Variants in ARHGAP35 observed in about 807,000 individuals in gnomAD.
The protein encoded by ARHGAP35 is Rho GTPase activating protein 35.
In ARHGAP35, 15 loss-of-function variants were observed where a neutral mutation model predicts 111.1. The ratio of observed to expected loss-of-function variants is 0.13; its 90% confidence interval spans 0.09 to 0.21. The LOEUF (loss-of-function observed/expected upper bound fraction) is 0.21. ARHGAP35 is among the 10% of genes least tolerant of loss of function. ARHGAP35 has a pLI of 1.00. For missense variants in ARHGAP35, 1,262 were observed against 1,873.0 expected, an observed-to-expected ratio of 0.67 and a Z score of 6.02; for synonymous variants, 643 against 710.3, an observed-to-expected ratio of 0.91 and a Z score of 1.51.
Position 46,919,543 on chromosome 19 carries a change from G to C in ARHGAP35, c.868G>C (p.Glu290Gln). ...LVSRIVKNHN[E>Q]NWLSVSRKMQ... Reference sequence around the variant, plus strand: ...GAGTCGCATTGTGAAAAACCACAATGAGAACTGGCTGAGTGTCAGCCGAAA... The same window carrying C: ...GAGTCGCATTGTGAAAAACCACAATCAGAACTGGCTGAGTGTCAGCCGAAA... The change falls in exon 2 of 7, where the codon GAG becomes CAG. Residue 290 changes from glutamate to glutamine, a missense_variant. Physicochemically the swap from Glu to Gln is conservative, Grantham distance 29. This residue lies in a region of ARHGAP35 where 328 missense variants were observed against 440.8 expected (regional missense o/e 0.74). Coordinates refer to ENST00000672722, the MANE Select transcript of ARHGAP35 (RefSeq NM_004491.5). This position sits in a 1 kb window ranked among gnomAD's most constrained non-coding sequence, Gnocchi z 6.2. The C allele has an allele frequency of 6.2e-7, 1 of 1,613,936 alleles. No homozygotes were observed. The highest frequency in any genetic ancestry group is 1.1e-5 in the South Asian group (1 of 91,078).
At chr19:46,947,698 C>T (rs1008650937) in intron 3 of ARHGAP35, 2 of 152,134 alleles carry the variant, frequency 1.3e-5, no homozygotes, top group African/African-American at 4.8e-5. Context: ...AGTGTCAGAT[C>T]CTGCAGGTTG....
At chr19:46,912,402 T>G (rs563388293) in intron 1 of ARHGAP35, among the ~76,000 whole-genome samples, 1 of 151,918 alleles carries the variant, frequency 6.6e-6, no homozygotes, top group East Asian at 1.9e-4. Flanking sequence ...TCGCCCAGGC[T>G]GGAGTGCAGT....
chr19:46,922,449 G>A lies in ARHGAP35; in HGVS notation c.3681+93G>A. 4 of 1,252,170 alleles carry A rather than the reference G, an allele frequency of 3.2e-6. No homozygotes were observed. The highest frequency in any genetic ancestry group is 3.2e-6 in the Non-Finnish European group (3 of 945,912). 77.6% of individuals were successfully genotyped at this position (1,252,170 alleles called of 1,614,324 possible). On this transcript the variant is annotated intron_variant, in intron 2 of 6. Coordinates refer to ENST00000672722, the MANE Select transcript of ARHGAP35 (RefSeq NM_004491.5). The surrounding 1 kb of genome is among the most constrained non-coding windows in gnomAD (Gnocchi z 4.0). Reference sequence around the variant, plus strand: ...GATTTTTCAAGGACAACCTATTCTGGTAAAAAAAAAACTGCCCTGTGTGTG... The same window carrying A: ...GATTTTTCAAGGACAACCTATTCTGATAAAAAAAAAACTGCCCTGTGTGTG...
chr19:46,960,842 G>C (rs1287541576), intron 3 of ARHGAP35, among the ~76,000 whole-genome samples: 1 of 150,796 alleles, frequency 6.6e-6, no homozygotes, highest in Non-Finnish European at 1.5e-5. Context: ...TTCCTATAAT[G>C]ATGGGCATAA....
Position 47,000,795 on chromosome 19 carries a change from C to A in ARHGAP35, c.*107C>A. 6.5e-7 allele frequency: 1 copy of A among 1,542,406 alleles called. No homozygotes were observed. Among genetic ancestry groups the A allele is most frequent in the South Asian group, 1.2e-5 (1 of 83,422 alleles). ...TGGGGACAGAGGCAGGGGCAAGTGG[C>A]TCTCCCCATTACCTTCTCAAGACCT... On this transcript the variant is annotated 3_prime_UTR_variant, in exon 7 of 7. Transcript: ENST00000672722. The surrounding 1 kb of genome is among the most constrained non-coding windows in gnomAD (Gnocchi z 6.9).
rs777096647 is a variant in ARHGAP35 at position 46,918,774 on chromosome 19, T to C, written c.99T>C (p.Ile33=). The change falls in exon 2 of 7, where the codon ATT becomes ATC. Residue 33 remains isoleucine, a synonymous_variant. Transcript: ENST00000672722. The surrounding 1 kb of genome is among the most constrained non-coding windows in gnomAD (Gnocchi z 5.4). ...AGAAGGAAAAGGGCCAGTGTGGGAT[T>C]GGAAAGTCTTGTTTGTGCAACCGCT... ...GTEKEKGQCG[I]GKSCLCNRFV... 2 of 1,613,922 alleles carry C rather than the reference T, an allele frequency of 1.2e-6. No homozygotes were observed. The highest frequency in any genetic ancestry group is 2.2e-5 in the South Asian group (2 of 91,054).
intron 1 of ARHGAP35, among the ~76,000 whole-genome samples, chr19:46,882,531 C>T (rs749992470): frequency 1.3e-5 from 2 of 152,090 alleles, no homozygotes; most frequent in African/African-American, 4.8e-5. Context: ...ATGTGCAGAA[C>T]GTGCAGATTT....
At position 46,999,826 on chromosome 19, in the gene ARHGAP35, G is replaced by A. The variant is rs983748277; in HGVS notation, c.4142+417G>A. The A allele has an allele frequency of 1.4e-5, 3 of 218,522 alleles. No individual in the cohort carries two copies. Among genetic ancestry groups the A allele is most frequent in the Non-Finnish European group, 2.7e-5 (3 of 110,746 alleles). The allele number at this position is 218,522 out of a possible 1,614,324, so 13.5% of individuals were successfully genotyped here. Reference sequence around the variant, plus strand: ...TCCTCTCACAGCATTCACGTTCCCAGCTGGGGAGAACCGGGACACTGCACC... The same window carrying A: ...TCCTCTCACAGCATTCACGTTCCCAACTGGGGAGAACCGGGACACTGCACC... On this transcript the variant is annotated intron_variant, in intron 6 of 6. Coordinates refer to ENST00000672722, the MANE Select transcript of ARHGAP35 (RefSeq NM_004491.5). This position sits in a 1 kb window ranked among gnomAD's most constrained non-coding sequence, Gnocchi z 5.4.
At chr19:46,974,955 C>T (rs1164789782) in intron 3 of ARHGAP35, among the ~76,000 whole-genome samples, 3 of 152,232 alleles carry the variant, frequency 2.0e-5, no homozygotes, top group Admixed American at 1.3e-4. Context: ...ACTGCAACCT[C>T]CGCCTCCCGG....
In ARHGAP35 at chr19:46,942,815, CAG is replaced by C. The variant is rs765187376; in HGVS notation, c.3826+5409_3826+5410del. On this transcript the variant is annotated intron_variant, in intron 3 of 6. Coordinates refer to ENST00000672722, the MANE Select transcript of ARHGAP35 (RefSeq NM_004491.5). ...TGGGCAACAGAGCAAGACCCTGTCT[CAG>C]AAAAAAAAAAAAAAAAAAAAGGAAA... is the stretch of plus-strand genomic sequence containing the variant. Among the ~76,000 whole-genome samples, 47 of 42,254 alleles carry C rather than the reference CAG, an allele frequency of 1.1e-3. 16 individuals are homozygous for C. The highest frequency in any genetic ancestry group is 1.6e-3 in the Admixed American group (5 of 3,088). 27.7% of individuals were successfully genotyped at this position (42,254 alleles called of 152,430 possible). A position where few individuals can be genotyped will look rare whatever the true frequency, so the allele number is the denominator to read the frequency against.
Position 47,000,799 on chromosome 19 carries a change from C to T in ARHGAP35, c.*111C>T. 2 of 1,544,384 alleles carry T rather than the reference C, an allele frequency of 1.3e-6. No homozygotes were observed. Among genetic ancestry groups the T allele is most frequent in the Non-Finnish European group, 1.7e-6 (2 of 1,145,784 alleles). On this transcript the variant is annotated 3_prime_UTR_variant, in exon 7 of 7. Transcript: ENST00000672722. The surrounding 1 kb of genome is among the most constrained non-coding windows in gnomAD (Gnocchi z 6.9). ...GACAGAGGCAGGGGCAAGTGGCTCT[C>T]CCCATTACCTTCTCAAGACCTCAGT... is the stretch of plus-strand genomic sequence containing the variant.
chr19:46,892,586 C>T (rs552769394), intron 1 of ARHGAP35, among the ~76,000 whole-genome samples: 1 of 148,846 alleles, frequency 6.7e-6, no homozygotes, highest in South Asian at 2.1e-4. Context: ...GAGCAATTTT[C>T]TAAAGTACGA....
At chr19:46,960,526 GA>G (rs1479080592) in intron 3 of ARHGAP35, among the ~76,000 whole-genome samples, 2 of 151,874 alleles carry the variant, frequency 1.3e-5, no homozygotes, top group Admixed American at 6.5e-5. Flanking sequence ...ACAGATTGGA[GA>G]AAAAAATAGG....
In ARHGAP35 at chr19:46,999,585, T is replaced by C; in HGVS notation, c.4142+176T>C. Reference sequence around the variant, plus strand: ...GGTCTCGGTGCCCAGAGCCTCTGCCTCTCGCCCATCCTCAGGCCTCCCTCC... The same window carrying C: ...GGTCTCGGTGCCCAGAGCCTCTGCCCCTCGCCCATCCTCAGGCCTCCCTCC... On this transcript the variant is annotated intron_variant, in intron 6 of 6. Coordinates refer to ENST00000672722, the MANE Select transcript of ARHGAP35 (RefSeq NM_004491.5). The surrounding 1 kb of genome is among the most constrained non-coding windows in gnomAD (Gnocchi z 5.4). 1.7e-6 allele frequency: 1 copy of C among 590,832 alleles called. No homozygotes were observed. Among genetic ancestry groups the C allele is most frequent in the Non-Finnish European group, 3.0e-6 (1 of 333,220 alleles). 36.6% of individuals were successfully genotyped at this position (590,832 alleles called of 1,614,324 possible).
At chr19:46,982,410 G>T (rs1292017926) in intron 3 of ARHGAP35, among the ~76,000 whole-genome samples, 1 of 151,798 alleles carries the variant, frequency 6.6e-6, no homozygotes, top group African/African-American at 2.4e-5. Context: ...CCAGGAGGCG[G>T]AGGTTGCAGT....
intron 3 of ARHGAP35, among the ~76,000 whole-genome samples, chr19:46,968,842 T>G (rs2056529209): frequency 6.6e-6 from 1 of 152,152 alleles, no homozygotes; most frequent in Non-Finnish European, 1.5e-5. Flanking sequence ...ATCCCAGCAC[T>G]TTGGGAGGCC....
chr19:46,863,672 C>G (rs1028373479), intron 1 of ARHGAP35, among the ~76,000 whole-genome samples: 11 of 152,170 alleles, frequency 7.2e-5, no homozygotes, highest in East Asian at 3.9e-4. Context: ...GCCCCTCCCC[C>G]CCAGCTAACA....
chr19:46,949,882 T>C (rs1226211264), intron 3 of ARHGAP35, among the ~76,000 whole-genome samples: 5 of 152,206 alleles, frequency 3.3e-5, no homozygotes, highest in African/African-American at 1.2e-4. Flanking sequence ...TGCTGTGGTG[T>C]GGAAATCCCA....
chr19:46,920,841 A>G lies in ARHGAP35; in HGVS notation c.2166A>G (p.Gln722=). ...ETLHSLIQQG[Q]QIASKLQCVF... ...TGCATAGCTTAATACAGCAAGGTCA[A>G]CAAATTGCTAGCAAACTTCAGTGTG... is the stretch of plus-strand genomic sequence containing the variant. Residue 722 remains glutamine (Q), a synonymous_variant, in exon 2 of 7, where the codon CAA becomes CAG. Transcript: ENST00000672722. The surrounding 1 kb of genome is among the most constrained non-coding windows in gnomAD (Gnocchi z 7.0). The G allele has an allele frequency of 4.3e-6, 7 of 1,613,522 alleles. No homozygotes were observed. Among genetic ancestry groups the G allele is most frequent in the Non-Finnish European group, 5.9e-6 (7 of 1,179,648 alleles).
Sources: gnomAD v4.1 joint callset for allele counts (sites outside exome capture counted in the v4.1 genomes callset) on GRCh38, gnomAD v4.1.1 for gene constraint, gnomAD v4.1.1 regional missense constraint, Gnocchi (gnomAD v3.1) non-coding constraint, MANE v1.5 for transcripts, NCBI Gene and HGNC (gene_info 2026-07-23, HGNC 2026-07-21) for gene names.